The following LEF1 variants were observed in gnomAD, a reference collection of about 807,000 sequenced individuals.
LEF1 encodes the protein lymphoid enhancer-binding factor 1.
LEF1 carries 14 observed loss-of-function variants against 51.2 expected under a neutral mutation model. The observed-to-expected ratio is 0.27, with a 90% CI of 0.18 to 0.43. The LOEUF (loss-of-function observed/expected upper bound fraction) is 0.43. Ranked by LOEUF, LEF1 falls within the 20% of genes least tolerant of loss-of-function variation. The pLI is 1.00. For missense variants in LEF1, 386 were observed against 512.0 expected (o/e 0.75, Z 2.37); for synonymous variants, 185 against 183.2 (o/e 1.01, Z -0.08).
chr4:108,117,779 G>T (rs976923788), intron 3 of LEF1, among the ~76,000 whole-genome samples: 1 of 152,216 alleles, frequency 6.6e-6, no homozygotes, highest in African/African-American at 2.4e-5. Flanking sequence ...TGGGCAGCTC[G>T]CCAGCCTCTG....
At chr4:108,054,536 G>C (rs1578283478) in intron 11 of LEF1, among the ~76,000 whole-genome samples, 1 of 152,222 alleles carries the variant, frequency 6.6e-6, no homozygotes, top group Non-Finnish European at 1.5e-5. Context: ...ACATGCAGAA[G>C]CATCTGTTAA....
At chr4:108,155,853 C>T (rs898879884) in intron 3 of LEF1, among the ~76,000 whole-genome samples, 3 of 152,176 alleles carry the variant, frequency 2.0e-5, no homozygotes, top group Admixed American at 2.0e-4. Flanking sequence ...GCACTGCCTA[C>T]CTATCTCTCC....
intron 3 of LEF1, among the ~76,000 whole-genome samples, chr4:108,092,917 TAAAAAAAAAAAAA>T (rs71592104): frequency 1.6e-3 from 51 of 31,144 alleles, no homozygotes; most frequent in African/African-American, 9.4e-3. Context: ...AATGAATATG[TAAAAAAAAAAAAA>T]AAAAAAAAAA....
chr4:108,094,287 T>C (rs1444647896), intron 3 of LEF1, among the ~76,000 whole-genome samples: 2 of 152,216 alleles, frequency 1.3e-5, no homozygotes, highest in African/African-American at 4.8e-5. Flanking sequence ...AACTGCAGCC[T>C]TTCTCTCCAG....
At chr4:108,085,673 T>C (rs1739594516) in intron 4 of LEF1, among the ~76,000 whole-genome samples, 1 of 148,786 alleles carries the variant, frequency 6.7e-6, no homozygotes. Context: ...AGGAAGGAAC[T>C]AGAGGACAGG....
At chr4:108,085,175 G>A (rs1006937767) in intron 4 of LEF1, among the ~76,000 whole-genome samples, 1 of 152,124 alleles carries the variant, frequency 6.6e-6, no homozygotes, top group Non-Finnish European at 1.5e-5. Flanking sequence ...CACAACCTCT[G>A]CCTTCCGGGT....
chr4:108,083,084 C>T, intron 5 of LEF1: 1 of 438,554 alleles, frequency 2.3e-6, no homozygotes, highest in Non-Finnish European at 4.1e-6. Context: ...TAGCAAATGC[C>T]CAAAGCCACA....
intron 11 of LEF1, among the ~76,000 whole-genome samples, chr4:108,057,294 T>C (rs10034874): frequency 0.72 from 109,972 of 151,932 alleles, 43,185 homozygotes; most frequent in East Asian, 0.97. Context: ...CCAATTTCCT[T>C]TCAATTTTAT....
intron 3 of LEF1, among the ~76,000 whole-genome samples, chr4:108,157,657 G>A (rs994930135): frequency 4.6e-5 from 7 of 152,192 alleles, no homozygotes; most frequent in Non-Finnish European, 8.8e-5. Context: ...GACACTCTGT[G>A]ATGCAACCTT....
chr4:108,128,191 G>C (rs1742665292), intron 3 of LEF1, among the ~76,000 whole-genome samples: 1 of 152,132 alleles, frequency 6.6e-6, no homozygotes, highest in Non-Finnish European at 1.5e-5. Context: ...GAAAGTGAGA[G>C]TATTCACCTA....
intron 3 of LEF1, among the ~76,000 whole-genome samples, chr4:108,136,465 CTTTTTT>C (rs3034771): frequency 7.1e-6 from 1 of 140,808 alleles, no homozygotes; most frequent in Non-Finnish European, 1.5e-5. Context: ...CTTAAATTTC[CTTTTTT>C]TTTTTTTTTT....
intron 8 of LEF1, among the ~76,000 whole-genome samples, chr4:108,077,660 G>C (rs981873079): frequency 6.8e-6 from 1 of 145,998 alleles, no homozygotes; most frequent in Non-Finnish European, 1.5e-5. Flanking sequence ...CGCCCCGTCT[G>C]GGAAGTGAGG....
intron 3 of LEF1, among the ~76,000 whole-genome samples, chr4:108,099,630 A>G: frequency 7.5e-6 from 1 of 133,886 alleles, no homozygotes; most frequent in Admixed American, 8.0e-5. Context: ...ATAATACTTG[A>G]AATTATGGGG....
At position 108,165,020 on chromosome 4, in the gene LEF1, A is replaced by T. The variant is rs1745292923; in HGVS notation, c.280+77T>A. 2.3e-6 allele frequency: 3 copies of T among 1,330,292 alleles called. No homozygotes were observed. In the East Asian group the frequency reaches 6.9e-5, roughly 31 times the overall value. The allele number at this position is 1,330,292 out of a possible 1,614,324, so 82.4% of individuals were successfully genotyped here. Reference sequence around the variant, plus strand: ...CTAGTCCCAGTTTCTTGAACTCAAAAGTAACAAAACACACCTATTTATACA... The same window carrying T: ...CTAGTCCCAGTTTCTTGAACTCAAATGTAACAAAACACACCTATTTATACA... On this transcript the variant is annotated intron_variant, in intron 2 of 11. Transcript: ENST00000265165.
intron 3 of LEF1, among the ~76,000 whole-genome samples, chr4:108,128,297 C>A (rs1742670554): frequency 6.6e-6 from 1 of 152,058 alleles, no homozygotes. Flanking sequence ...TTCAGTCCTG[C>A]CCTCTAAACA....
At chr4:108,101,741 T>C (rs1031651023) in intron 3 of LEF1, among the ~76,000 whole-genome samples, 1 of 152,168 alleles carries the variant, frequency 6.6e-6, no homozygotes, top group South Asian at 2.1e-4. Context: ...TTCAACACTC[T>C]AATATTTTGT....
At chr4:108,111,698 G>A (rs1470928538) in intron 3 of LEF1, among the ~76,000 whole-genome samples, 1 of 152,184 alleles carries the variant, frequency 6.6e-6, no homozygotes, top group African/African-American at 2.4e-5. Flanking sequence ...AATTGCTTGA[G>A]CTCAGGAGTT....
intron 3 of LEF1, among the ~76,000 whole-genome samples, chr4:108,112,883 C>A (rs998084923): frequency 6.6e-6 from 1 of 152,122 alleles, no homozygotes; most frequent in Non-Finnish European, 1.5e-5. Context: ...TCTAACTCTA[C>A]AAAGTAAAAT....
chr4:108,156,255 A>C lies in LEF1; in HGVS notation c.414+7313T>G, dbSNP rs541387198. On this transcript the variant is annotated intron_variant, in intron 3 of 11. Transcript: ENST00000265165. ...CATATGAGGGTCTAGTCCATTCTTT[A>C]TTTATTCCAGTAGTGCACTCCCCCG... 9.2e-5 allele frequency among the ~76,000 whole-genome samples: 14 copies of C among 152,232 alleles called. No homozygotes were observed. In the South Asian group the frequency reaches 2.7e-3, roughly 29 times the overall value.
Sources: gnomAD v4.1 joint callset for allele counts (sites outside exome capture counted in the v4.1 genomes callset) on GRCh38, gnomAD v4.1.1 for gene constraint, MANE v1.5 for transcripts, NCBI Gene and HGNC (gene_info 2026-07-23, HGNC 2026-07-21) for gene names.